KCNB2: variants seen among roughly 807,000 people sequenced by gnomAD.
KCNB2 encodes delayed rectifier potassium channel protein.
Under a neutral mutation model 61.5 loss-of-function variants are expected in KCNB2, and 15 were observed. The ratio of observed to expected loss-of-function variants is 0.24; its 90% CI spans 0.16 to 0.38. The LOEUF (loss-of-function observed/expected upper bound fraction) is 0.38, where lower values mean the gene tolerates loss of function less well. Ranked by LOEUF, KCNB2 falls within the 10% of genes least tolerant of loss-of-function variation. The pLI is 1.00. For synonymous variants in KCNB2, 457 were observed against 446.0 expected, an observed-to-expected ratio of 1.02 and a Z score of -0.31; for missense variants, 828 against 1,125.2, an observed-to-expected ratio of 0.74 and a Z score of 3.78.
At chr8:72,909,894 C>T (rs1347994762) in intron 2 of KCNB2, among the ~76,000 whole-genome samples, 1 of 152,042 alleles carries the variant, frequency 6.6e-6, no homozygotes, top group East Asian at 1.9e-4. Context: ...ATGGTGAATT[C>T]TATTTGAGGT....
chr8:72,588,630 A>G (rs1467156634), intron 2 of KCNB2, among the ~76,000 whole-genome samples: 1 of 152,128 alleles, frequency 6.6e-6, no homozygotes, highest in Non-Finnish European at 1.5e-5. Context: ...ATGATGGCCT[A>G]TGTCTGTATT....
intron 2 of KCNB2, among the ~76,000 whole-genome samples, chr8:72,717,421 G>A (rs1176737554): frequency 2.0e-5 from 3 of 151,026 alleles, no homozygotes; most frequent in African/African-American, 7.4e-5. Context: ...TATACTACAA[G>A]GCTACAGTAA....
intron 1 of KCNB2, among the ~76,000 whole-genome samples, chr8:72,543,614 T>C (rs1283175532): frequency 6.6e-6 from 1 of 152,212 alleles, no homozygotes; most frequent in African/African-American, 2.4e-5. Context: ...CCTTCTATCA[T>C]TCCTAGAAAA....
chr8:72,697,958 C>G lies in KCNB2; in HGVS notation c.579+129645C>G, dbSNP rs577749998. On this transcript the variant is annotated intron_variant, in intron 2 of 2. Coordinates refer to ENST00000523207, the MANE Select transcript of KCNB2 (RefSeq NM_004770.3). ...AAATTCTGGGATTGGAGCTGAGCCA[C>G]AAGCCCTCCAGGTGATCCTGATGTA... Among the ~76,000 whole-genome samples, 22 of 152,178 alleles carry G rather than the reference C, an allele frequency of 1.4e-4. No homozygotes were observed. In the East Asian group the frequency reaches 4.1e-3, roughly 28 times the overall value.
intron 1 of KCNB2, among the ~76,000 whole-genome samples, chr8:72,552,015 T>G (rs1806352370): frequency 6.6e-6 from 1 of 152,130 alleles, no homozygotes; most frequent in Non-Finnish European, 1.5e-5. Context: ...AGAGCAAGTC[T>G]GCCTGATGAT....
chr8:72,555,720 G>A (rs1191259092), intron 1 of KCNB2, among the ~76,000 whole-genome samples: 1 of 151,222 alleles, frequency 6.6e-6, no homozygotes, highest in Admixed American at 6.6e-5. Context: ...CTCTTTGTAG[G>A]CTTATTGGCC....
chr8:72,564,210 C>A (rs1057375376), intron 1 of KCNB2, among the ~76,000 whole-genome samples: 3 of 152,158 alleles, frequency 2.0e-5, no homozygotes, highest in Non-Finnish European at 4.4e-5. Context: ...CAAATAGTGA[C>A]CTTACCAGTG....
intron 2 of KCNB2, among the ~76,000 whole-genome samples, chr8:72,790,012 G>A (rs1808911577): frequency 6.6e-6 from 1 of 152,156 alleles, no homozygotes. Context: ...AGAATTGGGT[G>A]AAATATGATG....
At chr8:72,766,097 G>A (rs774832083) in intron 2 of KCNB2, among the ~76,000 whole-genome samples, 5 of 152,136 alleles carry the variant, frequency 3.3e-5, no homozygotes, top group Non-Finnish European at 7.3e-5. Context: ...TGAATCTGAG[G>A]CCTTGAGTGA....
chr8:72,655,349 T>C (rs1038451836), intron 2 of KCNB2, among the ~76,000 whole-genome samples: 1 of 152,096 alleles, frequency 6.6e-6, no homozygotes, highest in Non-Finnish European at 1.5e-5. Context: ...TTGGGTACTA[T>C]GGTTATTACC....
intron 2 of KCNB2, among the ~76,000 whole-genome samples, chr8:72,908,932 C>T (rs978051111): frequency 6.6e-6 from 1 of 152,200 alleles, no homozygotes; most frequent in African/African-American, 2.4e-5. Context: ...TGTGGCCATA[C>T]AGCAGAGTAA....
chr8:72,674,889 C>T (rs1031640682), intron 2 of KCNB2, among the ~76,000 whole-genome samples: 1 of 151,732 alleles, frequency 6.6e-6, no homozygotes, highest in South Asian at 2.1e-4. Flanking sequence ...GTGATACCAA[C>T]TATATAGTGA....
intron 2 of KCNB2, among the ~76,000 whole-genome samples, chr8:72,737,161 C>T (rs987333095): frequency 6.6e-6 from 1 of 151,884 alleles, no homozygotes; most frequent in Non-Finnish European, 1.5e-5. Context: ...ATAAAATAAG[C>T]TTTGTGAAAG....
Position 72,925,795 on chromosome 8 carries a change from A to G in KCNB2, c.580-10140A>G, listed in dbSNP as rs11993267. Among the ~76,000 whole-genome samples the G allele has an allele frequency of 2.7e-3, 406 of 152,370 alleles. 1 individual carries two copies. The highest frequency in any genetic ancestry group is 8.7e-3 in the African/African-American group (362 of 41,586). On this transcript the variant is annotated intron_variant, in intron 2 of 2. Coordinates refer to ENST00000523207, the MANE Select transcript of KCNB2 (RefSeq NM_004770.3). ...CTATTGTAAAAATACACGCACAAGT[A>G]TATTCATGGCAGCACTATTCACAGT...
chr8:72,890,935 G>C (rs1164122075), intron 2 of KCNB2, among the ~76,000 whole-genome samples: 4 of 152,164 alleles, frequency 2.6e-5, no homozygotes, highest in Admixed American at 6.5e-5. Context: ...GACTGCCTTA[G>C]AGAATCCTAA....
At chr8:72,663,705 G>A (rs752524996) in intron 2 of KCNB2, among the ~76,000 whole-genome samples, 12 of 152,188 alleles carry the variant, frequency 7.9e-5, no homozygotes, top group Admixed American at 7.2e-4. Context: ...TGCCAGATAC[G>A]CTGCAGTAAG....
At chr8:72,753,890 A>G (rs951763365) in intron 2 of KCNB2, among the ~76,000 whole-genome samples, 1 of 152,196 alleles carries the variant, frequency 6.6e-6, no homozygotes, top group African/African-American at 2.4e-5. Context: ...ATTAAGCAAT[A>G]TGTTCTTGGT....
At chr8:72,830,933 G>A (rs1178982592) in intron 2 of KCNB2, among the ~76,000 whole-genome samples, 2 of 152,188 alleles carry the variant, frequency 1.3e-5, no homozygotes, top group Non-Finnish European at 2.9e-5. Flanking sequence ...AAAATCCCAG[G>A]TTTACCAAAG....
intron 1 of KCNB2, among the ~76,000 whole-genome samples, chr8:72,539,739 T>C (rs1319094977): frequency 6.6e-6 from 1 of 152,226 alleles, no homozygotes; most frequent in East Asian, 1.9e-4. Flanking sequence ...CATGCATCCG[T>C]TGAAACTATT....
Sources: gnomAD v4.1 joint callset for allele counts (sites outside exome capture counted in the v4.1 genomes callset) on GRCh38, gnomAD v4.1.1 for gene constraint, MANE v1.5 for transcripts, NCBI Gene and HGNC (gene_info 2026-07-23, HGNC 2026-07-21) for gene names.